The following ARFIP1 variants were observed in gnomAD, a reference collection of about 807,000 sequenced individuals.
The protein encoded by ARFIP1 is arfaptin-1.
Under a neutral mutation model 42.5 loss-of-function variants are expected in ARFIP1, and 24 were observed. That is an observed-to-expected ratio of 0.57 (90% CI 0.41 to 0.80). ARFIP1 has a LOEUF of 0.80. Ranked by LOEUF, ARFIP1 falls within the 30% of genes least tolerant of loss-of-function variation. The pLI is 0.00. For missense variants in ARFIP1, 354 were observed against 434.0 expected, an observed-to-expected ratio of 0.82 and a Z score of 1.64; for synonymous variants, 141 against 153.7, an observed-to-expected ratio of 0.92 and a Z score of 0.61.
chr4:152,789,973 T>C (rs1731054789), intron 1 of ARFIP1, among the ~76,000 whole-genome samples: 1 of 152,224 alleles, frequency 6.6e-6, no homozygotes, highest in Non-Finnish European at 1.5e-5. Flanking sequence ...AGAATAGTAT[T>C]AGAAACCAAT....
At chr4:152,855,982 C>T (rs891753270) in intron 2 of ARFIP1, among the ~76,000 whole-genome samples, 1 of 152,056 alleles carries the variant, frequency 6.6e-6, no homozygotes, top group Non-Finnish European at 1.5e-5. Context: ...ATGATGTATT[C>T]GAGGTGTGAT....
intron 2 of ARFIP1, among the ~76,000 whole-genome samples, chr4:152,844,376 A>C (rs1239236171): frequency 1.3e-5 from 2 of 152,216 alleles, no homozygotes; most frequent in Non-Finnish European, 2.9e-5. Flanking sequence ...ATTTACAATG[A>C]AAAGTTTTAT....
intron 1 of ARFIP1, among the ~76,000 whole-genome samples, chr4:152,792,884 C>T (rs949130066): frequency 2.6e-5 from 4 of 152,086 alleles, no homozygotes; most frequent in African/African-American, 9.7e-5. Flanking sequence ...CTTGAGGTGA[C>T]AAATTCTAAT....
chr4:152,839,028 A>G (rs1232651225), intron 2 of ARFIP1, among the ~76,000 whole-genome samples: 4 of 152,152 alleles, frequency 2.6e-5, no homozygotes, highest in East Asian at 1.9e-4. Flanking sequence ...TTCGGCATCT[A>G]TTGAGATGAT....
At chr4:152,863,553 C>G (rs1046526918) in intron 2 of ARFIP1, 53 bp from the exon 3 acceptor site, 88 of 1,004,728 alleles carry the variant, frequency 8.8e-5, no homozygotes, top group Admixed American at 5.6e-4. Context: ...TGAACTGTTA[C>G]GTCATGTGGG....
intron 2 of ARFIP1, among the ~76,000 whole-genome samples, chr4:152,851,394 C>G (rs886178336): frequency 2.0e-5 from 3 of 152,100 alleles, no homozygotes; most frequent in Non-Finnish European, 4.4e-5. Flanking sequence ...ATATTCTCAT[C>G]AGAAGCAACT....
chr4:152,877,180 C>T (rs1372099239), intron 5 of ARFIP1, among the ~76,000 whole-genome samples: 2 of 152,156 alleles, frequency 1.3e-5, no homozygotes, highest in Non-Finnish European at 2.9e-5. Flanking sequence ...ATAGCTTGCA[C>T]CGTGTACGTG....
At chr4:152,859,706 C>G (rs1189548186) in intron 2 of ARFIP1, among the ~76,000 whole-genome samples, 1 of 151,974 alleles carries the variant, frequency 6.6e-6, no homozygotes. Context: ...TTGTATCAAA[C>G]TCATCACCTT....
intron 1 of ARFIP1, among the ~76,000 whole-genome samples, chr4:152,809,444 A>G (rs1729275502): frequency 6.6e-6 from 1 of 152,134 alleles, no homozygotes; most frequent in South Asian, 2.1e-4. Context: ...GCATGCAACA[A>G]CTCTTGATTA....
intron 1 of ARFIP1, among the ~76,000 whole-genome samples, chr4:152,807,862 A>G (rs1161801332): frequency 6.6e-6 from 1 of 152,050 alleles, no homozygotes; most frequent in Non-Finnish European, 1.5e-5. Context: ...TTCCACCCCA[A>G]GATAACCACT....
At chr4:152,860,909 G>C (rs1037302159) in intron 2 of ARFIP1, among the ~76,000 whole-genome samples, 1 of 152,198 alleles carries the variant, frequency 6.6e-6, no homozygotes, top group African/African-American at 2.4e-5. Context: ...ACAGTAGAAG[G>C]TAAGTATATG....
intron 8 of ARFIP1, among the ~76,000 whole-genome samples, chr4:152,898,260 G>A (rs138134103): frequency 6.6e-6 from 1 of 151,948 alleles, no homozygotes; most frequent in Middle Eastern, 3.2e-3. Context: ...GGGATTACAG[G>A]TGTGAGCCAC....
At chr4:152,835,331 C>A (rs1304188193) in intron 2 of ARFIP1, among the ~76,000 whole-genome samples, 1 of 152,212 alleles carries the variant, frequency 6.6e-6, no homozygotes, top group African/African-American at 2.4e-5. Context: ...GAATGCTTTG[C>A]TGTTTAGAAA....
intron 1 of ARFIP1, among the ~76,000 whole-genome samples, chr4:152,783,591 A>G (rs1730628381): frequency 6.6e-6 from 1 of 152,210 alleles, no homozygotes; most frequent in Admixed American, 6.5e-5. Flanking sequence ...GGCTCCACCT[A>G]CGTTGTCTGA....
At chr4:152,827,460 T>G (rs754599576) in intron 1 of ARFIP1, among the ~76,000 whole-genome samples, 3 of 152,168 alleles carry the variant, frequency 2.0e-5, no homozygotes, top group African/African-American at 7.2e-5. Context: ...ATTCTTGGTG[T>G]TGTACATTCT....
At chr4:152,830,738 AC>A (rs1731190292) in intron 2 of ARFIP1, among the ~76,000 whole-genome samples, 1 of 152,124 alleles carries the variant, frequency 6.6e-6, no homozygotes, top group Non-Finnish European at 1.5e-5. Flanking sequence ...GCCTCTTCCT[AC>A]TATTTAATAG....
intron 1 of ARFIP1, among the ~76,000 whole-genome samples, chr4:152,819,369 C>T (rs1360589948): frequency 6.6e-6 from 1 of 152,186 alleles, no homozygotes; most frequent in Non-Finnish European, 1.5e-5. Context: ...GCTGGCATTT[C>T]AGAAAGGCAA....
At chr4:152,812,371 A>G (rs1263161292) in intron 1 of ARFIP1, among the ~76,000 whole-genome samples, 2 of 152,126 alleles carry the variant, frequency 1.3e-5, no homozygotes, top group Non-Finnish European at 2.9e-5. Context: ...ATTAAAAATA[A>G]AAGTACAGAC....
In ARFIP1 at chr4:152,888,321, C is replaced by A; in HGVS notation, c.966+14C>A. The stretch of plus-strand genomic sequence containing the variant: ...GAAGAAAATAAGGTAAATTCTTTAC[C>A]TTCTAAGGTCTTTCTGTGGACTTTG... On this transcript the variant is annotated intron_variant, in intron 8 of 8. Transcript: ENST00000353617. 6.5e-7 allele frequency: 1 copy of A among 1,548,938 alleles called. No homozygotes were observed. The highest frequency in any genetic ancestry group is 2.3e-5 in the East Asian group (1 of 43,200).
Sources: gnomAD v4.1 joint callset for allele counts (sites outside exome capture counted in the v4.1 genomes callset) on GRCh38, gnomAD v4.1.1 for gene constraint, MANE v1.5 for transcripts, NCBI Gene and HGNC (gene_info 2026-07-23, HGNC 2026-07-21) for gene names.